The following PPM1D variants were observed in gnomAD, a reference collection of about 807,000 sequenced individuals.
The protein encoded by PPM1D is protein phosphatase 1D.
Under a neutral mutation model 58.3 loss-of-function variants are expected in PPM1D, and 52 were observed. The observed-to-expected ratio is 0.89, with a 90% CI of 0.71 to 1.12. PPM1D has a LOEUF of 1.12. Among genes scored for constraint, PPM1D ranks in the 50% most tolerant of loss-of-function variants. The pLI, the probability that PPM1D is intolerant of heterozygous loss-of-function variation, is 0.00. For missense variants in PPM1D, 564 were observed against 777.2 expected (o/e 0.73, Z 3.26); for synonymous variants, 278 against 285.1 (o/e 0.98, Z 0.25).
Position 60,600,661 on chromosome 17 carries a change from G to T in PPM1D, c.247G>T (p.Gly83Trp). The T allele has an allele frequency of 1.3e-6, 2 of 1,550,936 alleles. No homozygotes were observed. The highest frequency in any genetic ancestry group is 2.4e-5 in the East Asian group (1 of 41,132). The change falls in exon 1 of 6, where the codon GGG becomes TGG. Residue 83 changes from glycine to tryptophan, a missense_variant. This residue lies in a region of PPM1D where 132 missense variants were observed against 150.4 expected (regional missense o/e 0.88). Transcript: ENST00000305921. ...GGCTCGCGACCCTCTCCCGGACGCC[G>T]GGGCCTCGCCGGCACCTAGCCGCTG... is the stretch of plus-strand genomic sequence containing the variant. ...REARDPLPDA[G>W]ASPAPSRCCR...
chr17:60,620,558 G>A (rs950725657), intron 1 of PPM1D, among the ~76,000 whole-genome samples: 2 of 151,926 alleles, frequency 1.3e-5, no homozygotes, highest in African/African-American at 2.4e-5. Flanking sequence ...ACAGAGTCTC[G>A]CTGTACTACA....
intron 2 of PPM1D, among the ~76,000 whole-genome samples, chr17:60,625,173 AC>A (rs1366834052): frequency 5.3e-5 from 8 of 152,250 alleles, no homozygotes; most frequent in Non-Finnish European, 1.2e-4. Flanking sequence ...AAAATAAAGT[AC>A]TAAGGTGCAT....
At chr17:60,654,065 T>C (rs1401904074) in intron 4 of PPM1D, among the ~76,000 whole-genome samples, 1 of 152,056 alleles carries the variant, frequency 6.6e-6, no homozygotes, top group Non-Finnish European at 1.5e-5. Context: ...AGTATTGTAT[T>C]GAATAACAGT....
intron 3 of PPM1D, among the ~76,000 whole-genome samples, chr17:60,646,553 CT>C (rs1234329546): frequency 6.6e-6 from 1 of 152,148 alleles, no homozygotes; most frequent in East Asian, 1.9e-4. Flanking sequence ...ATGTTTTCTC[CT>C]TTCTGTCTCC....
intron 5 of PPM1D, among the ~76,000 whole-genome samples, chr17:60,657,971 C>T (rs564718520): frequency 4.6e-5 from 7 of 152,236 alleles, no homozygotes; most frequent in African/African-American, 1.7e-4. Context: ...GAACTCCTGA[C>T]CTCAGGTGAT....
intron 2 of PPM1D, among the ~76,000 whole-genome samples, chr17:60,628,986 A>G (rs887296829): frequency 6.6e-6 from 1 of 152,222 alleles, no homozygotes; most frequent in African/African-American, 2.4e-5. Flanking sequence ...GGCTACTAGT[A>G]GCCACTTGAA....
At chr17:60,635,586 T>C (rs533929261) in intron 3 of PPM1D, among the ~76,000 whole-genome samples, 31 of 152,300 alleles carry the variant, frequency 2.0e-4, no homozygotes, top group African/African-American at 7.2e-4. Flanking sequence ...ACTGTTTTTG[T>C]GTCGTAACAC....
At chr17:60,643,075 C>A (rs1827124592) in intron 3 of PPM1D, among the ~76,000 whole-genome samples, 3 of 143,432 alleles carry the variant, frequency 2.1e-5, no homozygotes, top group Admixed American at 1.4e-4. Flanking sequence ...AAAAAAAAGA[C>A]TTTCAGGCCT....
chr17:60,628,347 C>A (rs1229057302), intron 2 of PPM1D, among the ~76,000 whole-genome samples: 1 of 152,188 alleles, frequency 6.6e-6, no homozygotes, highest in African/African-American at 2.4e-5. Flanking sequence ...TGAACCTACA[C>A]TGACATACTG....
chr17:60,652,040 G>A (rs920002295), intron 4 of PPM1D, among the ~76,000 whole-genome samples: 2 of 152,086 alleles, frequency 1.3e-5, no homozygotes, highest in Non-Finnish European at 2.9e-5. Flanking sequence ...TAAAAAATTC[G>A]AAGTATACTA....
At chr17:60,628,834 G>A (rs1237697805) in intron 2 of PPM1D, among the ~76,000 whole-genome samples, 1 of 151,756 alleles carries the variant, frequency 6.6e-6, no homozygotes, top group Non-Finnish European at 1.5e-5. Context: ...TAACCTGCCA[G>A]GGGCCCCTAA....
intron 3 of PPM1D, among the ~76,000 whole-genome samples, chr17:60,646,159 A>G (rs770686673): frequency 4.6e-5 from 7 of 152,164 alleles, no homozygotes; most frequent in Non-Finnish European, 1.0e-4. Context: ...TTGCTGGTAT[A>G]AAGAGGTAAG....
intron 3 of PPM1D, among the ~76,000 whole-genome samples, chr17:60,645,456 A>ATGTGTGTGTGTGTG (rs371276467): frequency 3.5e-4 from 43 of 123,940 alleles, no homozygotes; most frequent in African/African-American, 1.3e-3. Context: ...TAAAATATAT[A>ATGTGTGTGTGTGTG]TGTGTGTGTG....
chr17:60,643,760 A>G (rs576825558), intron 3 of PPM1D, among the ~76,000 whole-genome samples: 1 of 152,252 alleles, frequency 6.6e-6, no homozygotes, highest in Non-Finnish European at 1.5e-5. Context: ...GACATCAGCA[A>G]TGTAGTCCTG....
chr17:60,651,245 AG>A (rs2143708326), intron 4 of PPM1D, among the ~76,000 whole-genome samples: 1 of 152,288 alleles, frequency 6.6e-6, no homozygotes, highest in East Asian at 1.9e-4. Context: ...GTGTTTGGAG[AG>A]TGGAACCACA....
rs1256181555 is a variant in PPM1D, at chr17:60,600,702, C to T, written c.288C>T (p.Ser96=). 5 of 1,603,276 alleles carry T rather than the reference C, an allele frequency of 3.1e-6. No individual in the cohort carries two copies. Among genetic ancestry groups the T allele is most frequent in the African/African-American group, 2.7e-5 (2 of 74,024 alleles). The change falls in exon 1 of 6, where the codon TCC becomes TCT. Residue 96 remains serine, a synonymous_variant. Coordinates refer to ENST00000305921, the MANE Select transcript of PPM1D (RefSeq NM_003620.4). ...CTAGCCGCTGCTGCCGCCGCCGTTC[C>T]TCCGTGGCCTTTTTCGCCGTGTGCG... ...PAPSRCCRRR[S]SVAFFAVCDG...
Position 60,623,665 on chromosome 17 carries a change from A to T in PPM1D, c.617A>T (p.Asp206Val), listed in dbSNP as rs370065255. 3 of 1,614,068 alleles carry T rather than the reference A, an allele frequency of 1.9e-6. No individual in the cohort carries two copies. Among genetic ancestry groups the T allele is most frequent in the Admixed American group, 1.7e-5 (1 of 59,992 alleles). ...VLGIQDDPKD[D>V]FVRAVEVTQD... The stretch of plus-strand genomic sequence containing the variant: ...GGAATTCAGGATGACCCGAAGGATG[A>T]CTTTGTCAGAGCTGTGGAGGTGACA... The change falls in exon 2 of 6, where the codon GAC becomes GTC. Residue 206 changes from aspartate to valine, a missense_variant. Physicochemically the swap from Asp to Val is radical, Grantham distance 152. Transcript: ENST00000305921.
intron 1 of PPM1D, among the ~76,000 whole-genome samples, chr17:60,619,446 A>G (rs935628736): frequency 5.3e-5 from 8 of 152,072 alleles, no homozygotes; most frequent in East Asian, 1.9e-4. Context: ...TTTTAGATAT[A>G]TTTTTAATTC....
Position 60,642,794 on chromosome 17 carries a change from C to T in PPM1D, c.827-5098C>T, listed in dbSNP as rs150670334. On this transcript the variant is annotated intron_variant, in intron 3 of 5. Coordinates refer to ENST00000305921, the MANE Select transcript of PPM1D (RefSeq NM_003620.4). Reference sequence around the variant, plus strand: ...TTTAAAAAAGATTTTCAGCCGGGCACGGTGGCTTATGCCTGTAATCCCAGC... The same window carrying T: ...TTTAAAAAAGATTTTCAGCCGGGCATGGTGGCTTATGCCTGTAATCCCAGC... Among the ~76,000 whole-genome samples, 1,290 of 152,128 alleles carry T rather than the reference C, an allele frequency of 8.5e-3. 11 individuals carry two copies. Among genetic ancestry groups the T allele is most frequent in the African/African-American group, 0.027 (1,122 of 41,542 alleles).
Sources: allele counts gnomAD v4.1 joint callset (sites outside exome capture counted in the v4.1 genomes callset), GRCh38; gene constraint gnomAD v4.1.1; regional missense constraint gnomAD v4.1.1; transcripts MANE v1.5; gene names NCBI Gene and HGNC (gene_info 2026-07-23, HGNC 2026-07-21).